Variants in COL23A1 observed in about 807,000 individuals in gnomAD.
The protein encoded by COL23A1 is collagen type XXIII alpha 1 chain.
COL23A1 carries 97 observed loss-of-function variants against 99.3 expected under a neutral mutation model. The ratio of observed to expected loss-of-function variants is 0.98; its 90% CI spans 0.83 to 1.16. The LOEUF (loss-of-function observed/expected upper bound fraction) is 1.16, where lower values mean the gene tolerates loss of function less well. COL23A1 is among the 50% of genes most tolerant of loss of function. COL23A1 has a pLI of 0.00. For synonymous variants in COL23A1, 320 were observed against 308.2 expected (o/e 1.04, Z -0.40); for missense variants, 762 against 757.4 (o/e 1.01, Z -0.07).
At position 178,589,463 on chromosome 5, in the gene COL23A1, C is replaced by T. The variant is rs544950039; in HGVS notation, c.294+441G>A. Among the ~76,000 whole-genome samples the T allele has an allele frequency of 1.2e-4, 18 of 152,304 alleles. 1 individual carries two copies. In the South Asian group the frequency reaches 3.7e-3, roughly 32 times the overall value. Reference sequence around the variant, plus strand: ...TGTCTGAGGCTTTCCTCCGCCGTGACCACCGCCTCTCCAGGTGTACCAGCG... The same window carrying T: ...TGTCTGAGGCTTTCCTCCGCCGTGATCACCGCCTCTCCAGGTGTACCAGCG... On this transcript the variant is annotated intron_variant, in intron 1 of 28. Transcript: ENST00000390654. The surrounding 1 kb of genome is among the most constrained non-coding windows in gnomAD (Gnocchi z 5.4).
At chr5:178,323,123 AGGGGCTCCTGAGCCTGG>A (rs1158625281) in intron 2 of COL23A1, among the ~76,000 whole-genome samples, 1 of 151,820 alleles carries the variant, frequency 6.6e-6, no homozygotes, top group East Asian at 2.0e-4. Context: ...GGGCAGCAGA[AGGGGCTCCTGAGCCTGG>A]GGGTGAGGGC....
At chr5:178,256,595 C>T (rs971276093) in intron 14 of COL23A1, among the ~76,000 whole-genome samples, 198 bp from the exon 15 acceptor site, 6 of 152,206 alleles carry the variant, frequency 3.9e-5, no homozygotes, top group African/African-American at 4.8e-5. Flanking sequence ...GACATCACTT[C>T]GTATAGAGAT....
intron 1 of COL23A1, among the ~76,000 whole-genome samples, chr5:178,577,321 G>A (rs1763425737): frequency 6.6e-6 from 1 of 152,300 alleles, no homozygotes; most frequent in South Asian, 2.1e-4. Flanking sequence ...AGCCCTGTTG[G>A]ATCAGGGCCC....
rs758757415 is a variant in COL23A1 at position 178,560,686 on chromosome 5, G to C, written c.357C>G (p.Pro119=). Residue 119 remains proline, a synonymous_variant, in exon 2 of 29, where the codon CCC becomes CCG. Transcript: ENST00000390654. ...AREAPSECVC[P]PGPPGRRGKP... ...GGGAGCTCAACCTTCACTTACCTGG[G>C]GGGCAGACACATTCGGATGGAGCTT... 6.2e-7 allele frequency: 1 copy of C among 1,612,804 alleles called. No individual in the cohort carries two copies. Among genetic ancestry groups the C allele is most frequent in the African/African-American group, 1.3e-5 (1 of 74,800 alleles).
At chr5:178,282,020 C>G (rs1263402286) in intron 5 of COL23A1, among the ~76,000 whole-genome samples, 2 of 143,922 alleles carry the variant, frequency 1.4e-5, no homozygotes, top group Non-Finnish European at 3.0e-5. Flanking sequence ...CCACTGCACT[C>G]CAGCCTGGGC....
intron 2 of COL23A1, among the ~76,000 whole-genome samples, chr5:178,418,353 T>C (rs1765421496): frequency 6.6e-6 from 1 of 152,242 alleles, no homozygotes; most frequent in Admixed American, 6.5e-5. Context: ...TCTTGCCCTA[T>C]TAGACTTAAG....
At position 178,560,767 on chromosome 5, in the gene COL23A1, A is replaced by C. The variant is rs1274347642; in HGVS notation, c.295-19T>G. ...CCAACTTCTGAGCCGGAAAAAAAAAAAGAAAAAAAACGAGGAGAGAATGAG... is the reference window on the plus strand; with the variant it reads ...CCAACTTCTGAGCCGGAAAAAAAAACAGAAAAAAAACGAGGAGAGAATGAG... On this transcript the variant is annotated intron_variant, in intron 1 of 28. Transcript: ENST00000390654. The C allele has an allele frequency of 3.1e-6, 5 of 1,598,286 alleles. No individual in the cohort carries two copies. The highest frequency in any genetic ancestry group is 3.4e-6 in the Non-Finnish European group (4 of 1,173,644).
intron 2 of COL23A1, among the ~76,000 whole-genome samples, chr5:178,429,197 G>A (rs1381280672): frequency 6.6e-6 from 1 of 152,080 alleles, no homozygotes; most frequent in East Asian, 1.9e-4. Flanking sequence ...TGGGGCATGC[G>A]CCTCGGGAAA....
intron 2 of COL23A1, among the ~76,000 whole-genome samples, chr5:178,376,125 T>C (rs1763060676): frequency 6.6e-6 from 1 of 152,220 alleles, no homozygotes; most frequent in Admixed American, 6.5e-5. Flanking sequence ...CATCCCAGTG[T>C]GATGAAGGCA....
chr5:178,258,262 T>TATATATATACACATACAC, intron 12 of COL23A1, among the ~76,000 whole-genome samples: 1 of 104,128 alleles, frequency 9.6e-6, no homozygotes, highest in African/African-American at 3.0e-5. Flanking sequence ...TATATATATA[T>TATATATATACACATACAC]ACACATGCAA....
At chr5:178,458,637 C>CA (rs57875318) in intron 2 of COL23A1, among the ~76,000 whole-genome samples, 1,782 of 145,434 alleles carry the variant, frequency 0.012, 10 homozygotes, top group African/African-American at 0.018. Flanking sequence ...ACTCTGTCTC[C>CA]AAAAAAAAAA....
chr5:178,386,256 C>G (rs866575072), intron 2 of COL23A1, among the ~76,000 whole-genome samples: 1 of 152,030 alleles, frequency 6.6e-6, no homozygotes, highest in African/African-American at 2.4e-5. Context: ...CTGGGCAACA[C>G]GGTGAAACCC....
At chr5:178,355,048 CTT>C (rs1191047020) in intron 2 of COL23A1, among the ~76,000 whole-genome samples, 2 of 131,416 alleles carry the variant, frequency 1.5e-5, no homozygotes, top group Non-Finnish European at 3.1e-5. Flanking sequence ...ACAGGTGAGA[CTT>C]TGTCTCAAAA....
intron 2 of COL23A1, among the ~76,000 whole-genome samples, chr5:178,504,942 A>G (rs879472020): frequency 6.6e-6 from 1 of 152,202 alleles, no homozygotes; most frequent in Non-Finnish European, 1.5e-5. Context: ...TGACAACTAC[A>G]AGATGGCCCC....
chr5:178,360,139 G>A (rs1030461033), intron 2 of COL23A1, among the ~76,000 whole-genome samples: 3 of 152,018 alleles, frequency 2.0e-5, no homozygotes, highest in African/African-American at 7.3e-5. Flanking sequence ...ACATCTCCAG[G>A]GATAGCCTCT....
intron 2 of COL23A1, among the ~76,000 whole-genome samples, chr5:178,486,989 C>T (rs977885005): frequency 6.6e-6 from 1 of 152,234 alleles, no homozygotes; most frequent in African/African-American, 2.4e-5. Flanking sequence ...TAAAACTGGA[C>T]GCTCTCTATC....
intron 19 of COL23A1, among the ~76,000 whole-genome samples, chr5:178,248,754 C>T (rs1272460236): frequency 1.3e-5 from 2 of 152,206 alleles, no homozygotes; most frequent in Non-Finnish European, 2.9e-5. Flanking sequence ...ACCGAGGCCC[C>T]AGGAGGTTAG....
At chr5:178,290,400 A>C in intron 3 of COL23A1, 31 bp from the exon 4 acceptor site, 1 of 1,612,098 alleles carries the variant, frequency 6.2e-7, no homozygotes, top group Non-Finnish European at 8.5e-7. Flanking sequence ...AGCCACAGTC[A>C]GTGTGGAAGG....
rs1562025576 is a variant in COL23A1, at chr5:178,498,236, ATATATATATATATATATAT to A, written c.361+62427_361+62445del. Among the ~76,000 whole-genome samples, 98 of 63,016 alleles carry A rather than the reference ATATATATATATATATATAT, an allele frequency of 1.6e-3. 5 individuals carry two copies. Among genetic ancestry groups the A allele is most frequent in the African/African-American group, 8.7e-3 (85 of 9,756 alleles). The allele number at this position is 63,016 out of a possible 152,430, so 41.3% of individuals were successfully genotyped here. A position where few individuals can be genotyped will look rare whatever the true frequency, so the allele number is the denominator to read the frequency against. ...TATATATATATATATATATATATAT[ATATATATATATATATATAT>A]ATAAAAGAACTTAAAAATAAAAAAA... On this transcript the variant is annotated intron_variant, in intron 2 of 28. Coordinates refer to ENST00000390654, the MANE Select transcript of COL23A1 (RefSeq NM_173465.4).
Sources: allele counts gnomAD v4.1 joint callset (sites outside exome capture counted in the v4.1 genomes callset), GRCh38; gene constraint gnomAD v4.1.1; non-coding constraint Gnocchi (gnomAD v3.1); transcripts MANE v1.5; gene names NCBI Gene and HGNC (gene_info 2026-07-23, HGNC 2026-07-21).